Variants in ZBTB20 observed in about 807,000 individuals in gnomAD.
The protein encoded by ZBTB20 is zinc finger and BTB domain containing 20, also known as zinc finger and BTB domain-containing protein 20.
ZBTB20 carries 9 observed loss-of-function variants against 56.9 expected under a neutral mutation model. The ratio of observed to expected loss-of-function variants is 0.16; its 90% CI spans 0.10 to 0.28. The LOEUF (loss-of-function observed/expected upper bound fraction) is 0.28. Among genes scored for constraint, ZBTB20 ranks in the 10% least tolerant of loss-of-function variants. ZBTB20 has a pLI of 1.00. For missense variants in ZBTB20, 655 were observed against 1,003.0 expected, an observed-to-expected ratio of 0.65 and a Z score of 4.69; for synonymous variants, 417 against 420.7, an observed-to-expected ratio of 0.99 and a Z score of 0.11.
intron 6 of ZBTB20, among the ~76,000 whole-genome samples, chr3:114,597,511 G>A (rs1328087133): frequency 6.6e-6 from 1 of 152,136 alleles, no homozygotes; most frequent in Non-Finnish European, 1.5e-5. Flanking sequence ...CACTTTCAAG[G>A]TTAGAATATG....
intron 5 of ZBTB20, among the ~76,000 whole-genome samples, chr3:114,798,082 A>G (rs2071441626): frequency 6.6e-6 from 1 of 151,798 alleles, no homozygotes; most frequent in Middle Eastern, 3.2e-3. Flanking sequence ...TCTCTGATGG[A>G]AATGACCCCT....
intron 7 of ZBTB20, among the ~76,000 whole-genome samples, chr3:114,489,026 C>G (rs974596874): frequency 6.6e-6 from 1 of 152,106 alleles, no homozygotes; most frequent in African/African-American, 2.4e-5. Flanking sequence ...GAAAGATAAA[C>G]AGGACTGTAT....
chr3:115,078,587 G>A (rs2108531319), intron 1 of ZBTB20, among the ~76,000 whole-genome samples: 1 of 139,676 alleles, frequency 7.2e-6, no homozygotes, highest in East Asian at 2.1e-4. Flanking sequence ...AACATTATCA[G>A]TAAGAATATG....
At chr3:114,971,880 C>T (rs572454363) in intron 3 of ZBTB20, among the ~76,000 whole-genome samples, 1 of 152,284 alleles carries the variant, frequency 6.6e-6, no homozygotes, top group South Asian at 2.1e-4. Context: ...CCCTCCTCAT[C>T]AAGCAGCTTT....
chr3:114,557,521 T>C (rs2110247893), intron 6 of ZBTB20, among the ~76,000 whole-genome samples: 1 of 152,120 alleles, frequency 6.6e-6, no homozygotes. Context: ...TATGTTATTA[T>C]GTTCATGTTT....
At chr3:115,013,569 C>A (rs1451106923) in intron 2 of ZBTB20, among the ~76,000 whole-genome samples, 1 of 151,694 alleles carries the variant, frequency 6.6e-6, no homozygotes, top group African/African-American at 2.4e-5. Flanking sequence ...AAGCCCACTA[C>A]CTGATGGCTT....
At chr3:114,690,947 A>G (rs2062661931) in intron 6 of ZBTB20, among the ~76,000 whole-genome samples, 1 of 152,170 alleles carries the variant, frequency 6.6e-6, no homozygotes, top group African/African-American at 2.4e-5. Flanking sequence ...CTTAAACCCA[A>G]TAATAAGTAT....
At chr3:114,952,391 T>A (rs2077098107) in intron 3 of ZBTB20, among the ~76,000 whole-genome samples, 1 of 152,074 alleles carries the variant, frequency 6.6e-6, no homozygotes, top group Admixed American at 6.6e-5. Flanking sequence ...GATCTTAGAC[T>A]TCTCAGCTTT....
chr3:114,913,702 G>T (rs1157432915), intron 3 of ZBTB20, among the ~76,000 whole-genome samples: 1 of 151,102 alleles, frequency 6.6e-6, no homozygotes, highest in African/African-American at 2.4e-5. Flanking sequence ...TTTCAGTAGT[G>T]TCATAGTTTG....
At chr3:114,829,663 A>C (rs2073739272) in intron 4 of ZBTB20, among the ~76,000 whole-genome samples, 1 of 151,870 alleles carries the variant, frequency 6.6e-6, no homozygotes, top group Non-Finnish European at 1.5e-5. Flanking sequence ...TTCTAGGTAG[A>C]AGTTACACGG....
intron 1 of ZBTB20, among the ~76,000 whole-genome samples, chr3:115,085,025 G>A (rs532629545): frequency 7.9e-5 from 12 of 151,924 alleles, no homozygotes; most frequent in Non-Finnish European, 1.6e-4. Flanking sequence ...TGAAATTGGA[G>A]ACTACATGTG....
intron 4 of ZBTB20, among the ~76,000 whole-genome samples, chr3:114,824,332 A>G (rs550575912): frequency 6.6e-6 from 1 of 152,136 alleles, no homozygotes; most frequent in Admixed American, 6.6e-5. Context: ...TCCTGAAACT[A>G]AAAGACAGCT....
At chr3:114,901,761 TA>T in intron 3 of ZBTB20, among the ~76,000 whole-genome samples, 1 of 152,068 alleles carries the variant, frequency 6.6e-6, no homozygotes, top group South Asian at 2.1e-4. Flanking sequence ...ATTATGATGC[TA>T]AAATATTATA....
In ZBTB20 at chr3:114,742,313, C is replaced by T. The variant is rs553508046; in HGVS notation, c.-342-48738G>A. Among the ~76,000 whole-genome samples, 9 of 152,092 alleles carry T rather than the reference C, an allele frequency of 5.9e-5. No individual in the cohort carries two copies. In the South Asian group the frequency reaches 1.2e-3, roughly 21 times the overall value. ...AATAAATATGTGTAGGAAGTAAGAA[C>T]GGCAAAAATGAAGCCGGGTAGGATA... On this transcript the variant is annotated intron_variant, in intron 5 of 11. Coordinates refer to ENST00000675478, the MANE Select transcript of ZBTB20 (RefSeq NM_001348800.3).
At chr3:114,844,540 A>AAAAAAAC (rs2074580006) in intron 4 of ZBTB20, among the ~76,000 whole-genome samples, 1 of 142,162 alleles carries the variant, frequency 7.0e-6, no homozygotes, top group East Asian at 2.0e-4. Context: ...AAAAAAAAAA[A>AAAAAAAC]AAAAAAAAAA....
At chr3:115,023,513 A>T (rs1420663358) in intron 2 of ZBTB20, among the ~76,000 whole-genome samples, 6 of 150,678 alleles carry the variant, frequency 4.0e-5, no homozygotes, top group Non-Finnish European at 8.9e-5. Flanking sequence ...TGTCTCTGCT[A>T]TCCCCTCTCG....
At chr3:114,549,038 T>A (rs1241652787) in intron 6 of ZBTB20, among the ~76,000 whole-genome samples, 1 of 152,230 alleles carries the variant, frequency 6.6e-6, no homozygotes, top group African/African-American at 2.4e-5. Context: ...GGTATTACTA[T>A]ATATATTTCT....
At chr3:114,899,028 T>C (rs1178790108) in intron 4 of ZBTB20, among the ~76,000 whole-genome samples, 1 of 152,176 alleles carries the variant, frequency 6.6e-6, no homozygotes, top group Non-Finnish European at 1.5e-5. Flanking sequence ...AAAATATAGA[T>C]ATCTGTCAGA....
chr3:114,453,079 G>GCT (rs2091739710), intron 7 of ZBTB20, among the ~76,000 whole-genome samples: 1 of 152,124 alleles, frequency 6.6e-6, no homozygotes. Flanking sequence ...TACACATACA[G>GCT]CTCACATCTG....
Sources: allele counts gnomAD v4.1 joint callset (sites outside exome capture counted in the v4.1 genomes callset), GRCh38; gene constraint gnomAD v4.1.1; transcripts MANE v1.5; gene names NCBI Gene and HGNC (gene_info 2026-07-23, HGNC 2026-07-21).